Variants in FXR2 observed in about 807,000 individuals in gnomAD.
FXR2 encodes the protein RNA-binding protein FXR2.
In FXR2, 9 loss-of-function variants were observed where a neutral mutation model predicts 87.3. The observed-to-expected ratio is 0.10, with a 90% CI of 0.06 to 0.18. The LOEUF is 0.18. FXR2 is among the 10% of genes least tolerant of loss of function. The pLI is 1.00. For synonymous variants in FXR2, 331 were observed against 328.3 expected (o/e 1.01, Z -0.09); for missense variants, 661 against 893.6 (o/e 0.74, Z 3.32).
At position 7,595,738 on chromosome 17, in the gene FXR2, G is replaced by T; in HGVS notation, c.831+86C>A. 2 of 1,074,190 alleles carry T rather than the reference G, an allele frequency of 1.9e-6. No individual in the cohort carries two copies. Among genetic ancestry groups the T allele is most frequent in the Non-Finnish European group, 2.8e-6 (2 of 723,178 alleles). 66.5% of individuals were successfully genotyped at this position (1,074,190 alleles called of 1,614,324 possible). On this transcript the variant is annotated intron_variant, in intron 8 of 16. Transcript: ENST00000250113. The surrounding 1 kb of genome is among the most constrained non-coding windows in gnomAD (Gnocchi z 4.7). ...GCTGGGATTACAGGTGTGAGCCACT[G>T]TGCCCAGTTTGAGGCTTATTTTCTA... is the stretch of plus-strand genomic sequence containing the variant.
At chr17:7,603,442 G>A (rs1330291923) in intron 5 of FXR2, among the ~76,000 whole-genome samples, 7 of 150,762 alleles carry the variant, frequency 4.6e-5, no homozygotes, top group Non-Finnish European at 7.4e-5. Context: ...CAGGAGAATC[G>A]CCTGAACCTA....
At position 7,593,514 on chromosome 17, in the gene FXR2, C is replaced by A; in HGVS notation, c.1219G>T (p.Ala407Ser). The A allele has an allele frequency of 6.3e-7, 1 of 1,587,502 alleles. No homozygotes were observed. ...GAGCTCTCATCAGTGCTATATCCAG[C>A]CTTGTCGCTGCCACCGCTGCCCCGC... Reference protein sequence around the residue: ...SGRGSGGSDKAGYSTDESSSS... With the variant: ...SGRGSGGSDKSGYSTDESSSS... Residue 407 changes from alanine (A) to serine (S), a missense_variant, in exon 12 of 17, where the codon GCT (alanine) becomes TCT (serine). By Grantham distance (99) the Ala-to-Ser change is moderately conservative. Around this residue, in one of 3 missense-constraint regions of FXR2, gnomAD observed 409 missense variants for 432.0 expected, o/e 0.95. Transcript: ENST00000250113. This position sits in a 1 kb window ranked among gnomAD's most constrained non-coding sequence, Gnocchi z 6.1.
chr17:7,598,551 C>T (rs1226959073), intron 7 of FXR2, among the ~76,000 whole-genome samples: 1 of 152,192 alleles, frequency 6.6e-6, no homozygotes, highest in African/African-American at 2.4e-5. Context: ...CCTCCTCAGC[C>T]TACCGTACAT....
At position 7,593,099 on chromosome 17, in the gene FXR2, C is replaced by T; in HGVS notation, c.1413G>A (p.Arg471=). The change falls in exon 13 of 17, where the codon AGG becomes AGA. Residue 471 remains arginine (R), a synonymous_variant. Transcript: ENST00000250113. The surrounding 1 kb of genome is among the most constrained non-coding windows in gnomAD (Gnocchi z 6.1). ...EEPNRAGPGD[R]DPPTRGEESR... is the part of the protein sequence containing the mutation. ...TTTCTTCCCCTCGGGTTGGGGGATC[C>T]CTGTCGCCAGGCCCAGCTCGGTTGG... The T allele has an allele frequency of 6.3e-7, 1 of 1,594,262 alleles. No homozygotes were observed. Among genetic ancestry groups the T allele is most frequent in the East Asian group, 2.2e-5 (1 of 44,616 alleles).
intron 7 of FXR2, among the ~76,000 whole-genome samples, chr17:7,599,839 C>T (rs2150943156): frequency 6.6e-6 from 1 of 152,244 alleles, no homozygotes; most frequent in South Asian, 2.1e-4. Context: ...GATAGCGCCA[C>T]TGCGCTCTAG....
chr17:7,614,240 G>A, intron 1 of FXR2: 1 of 688,426 alleles, frequency 1.5e-6, no homozygotes, highest in Non-Finnish European at 2.6e-6. Flanking sequence ...GATGGGGGTA[G>A]AAGCAGGTGC....
chr17:7,605,780 T>TA, intron 2 of FXR2, 42 bp from the exon 3 acceptor site: 1 of 1,104,730 alleles, frequency 9.1e-7, no homozygotes. Context: ...CTCTGACTGA[T>TA]ATGGTTGCCC....
chr17:7,606,522 G>A (rs1323160877), intron 1 of FXR2, among the ~76,000 whole-genome samples: 1 of 152,180 alleles, frequency 6.6e-6, no homozygotes, highest in Non-Finnish European at 1.5e-5. Context: ...GAGACAGTGT[G>A]AGGCTGTCCT....
chr17:7,609,931 T>TATATATATACATGTATATGTATAC (rs1567753732), intron 1 of FXR2, among the ~76,000 whole-genome samples: 1,233 of 86,554 alleles, frequency 0.014, 31 homozygotes, highest in African/African-American at 0.04. Flanking sequence ...CATGTATATG[T>TATATATATACATGTATATGTATAC]ATATATATAC....
Position 7,595,599 on chromosome 17 carries a change from C to T in FXR2, c.831+225G>A, listed in dbSNP as rs1008132286. ...AAGTACCTGCGACTACAGGTACGCA[C>T]CACTACTTCCAGCTAATTTTTAAAT... On this transcript the variant is annotated intron_variant, in intron 8 of 16. Transcript: ENST00000250113. The surrounding 1 kb of genome is among the most constrained non-coding windows in gnomAD (Gnocchi z 4.7). Among the ~76,000 whole-genome samples the T allele has an allele frequency of 3.3e-5, 5 of 152,084 alleles. No homozygotes were observed. Among genetic ancestry groups the T allele is most frequent in the Non-Finnish European group, 7.3e-5 (5 of 68,028 alleles).
intron 1 of FXR2, among the ~76,000 whole-genome samples, chr17:7,612,308 G>C (rs1184343143): frequency 6.6e-6 from 1 of 152,142 alleles, no homozygotes; most frequent in Non-Finnish European, 1.5e-5. Flanking sequence ...AGGTAAACAG[G>C]GAGGGCCACT....
chr17:7,603,727 G>A (rs375029988), intron 5 of FXR2, 30 bp downstream of exon 5: 2 of 1,608,576 alleles, frequency 1.2e-6, no homozygotes, highest in African/African-American at 2.7e-5. Flanking sequence ...TGTAAAGAGG[G>A]CCCTCATTCC....
intron 1 of FXR2, among the ~76,000 whole-genome samples, chr17:7,609,756 C>T (rs2071833225): frequency 1.3e-5 from 2 of 151,724 alleles, no homozygotes; most frequent in Non-Finnish European, 2.9e-5. Flanking sequence ...TTTATCCATT[C>T]CCTCTTCTTT....
Position 7,609,943 on chromosome 17 carries a change from TGTATATGTATAC to T in FXR2, c.82-3806_82-3795del, listed in dbSNP as rs2071839094. 6.3e-5 allele frequency among the ~76,000 whole-genome samples: 4 copies of T among 63,038 alleles called. No individual in the cohort carries two copies. The South Asian group carries it at 1.4e-3, about 22-fold the overall frequency. 41.4% of individuals were successfully genotyped at this position (63,038 alleles called of 152,430 possible). The stretch of plus-strand genomic sequence containing the variant: ...ATACATGTATATGTATATATATACA[TGTATATGTATAC>T]ATATATATACATGTATATGTATACA... On this transcript the variant is annotated intron_variant, in intron 1 of 16. Coordinates refer to ENST00000250113, the MANE Select transcript of FXR2 (RefSeq NM_004860.4).
intron 1 of FXR2, 24 bp downstream of exon 1, chr17:7,614,428 T>G: frequency 6.7e-7 from 1 of 1,493,344 alleles, no homozygotes; most frequent in South Asian, 1.2e-5. Flanking sequence ...AGGACCGGCG[T>G]CCCCAGTCGG....
Position 7,595,680 on chromosome 17 carries a change from T to C in FXR2, c.831+144A>G, listed in dbSNP as rs936369781. On this transcript the variant is annotated intron_variant, in intron 8 of 16. Transcript: ENST00000250113. The surrounding 1 kb of genome is among the most constrained non-coding windows in gnomAD (Gnocchi z 4.7). Reference sequence around the variant, plus strand: ...ACAGGCTGGTCTCAAACTCCTAGGCTCAAGTGATCCTCTCACTTTGACCTC... The same window carrying C: ...ACAGGCTGGTCTCAAACTCCTAGGCCCAAGTGATCCTCTCACTTTGACCTC... 18 of 634,872 alleles carry C rather than the reference T, an allele frequency of 2.8e-5. No homozygotes were observed. Among genetic ancestry groups the C allele is most frequent in the Non-Finnish European group, 3.9e-5 (14 of 361,606 alleles). The allele number at this position is 634,872 out of a possible 1,614,324, so 39.3% of individuals were successfully genotyped here. A position where few individuals can be genotyped will look rare whatever the true frequency, so the allele number is the denominator to read the frequency against.
intron 7 of FXR2, among the ~76,000 whole-genome samples, chr17:7,598,467 A>G (rs1217877596): frequency 6.6e-6 from 1 of 152,026 alleles, no homozygotes; most frequent in Non-Finnish European, 1.5e-5. Context: ...AAACAAAACA[A>G]AACAAAACAA....
At chr17:7,602,022 A>C (rs1325166609) in intron 6 of FXR2, among the ~76,000 whole-genome samples, 2 of 152,194 alleles carry the variant, frequency 1.3e-5, no homozygotes, top group Non-Finnish European at 2.9e-5. Flanking sequence ...TTTAGAGAGA[A>C]AGCAAGGAGC....
At position 7,591,296 on chromosome 17, in the gene FXR2, C is replaced by A; in HGVS notation, c.*534G>T. On this transcript the variant is annotated 3_prime_UTR_variant, in exon 17 of 17. Coordinates refer to ENST00000250113, the MANE Select transcript of FXR2 (RefSeq NM_004860.4). This position sits in a 1 kb window ranked among gnomAD's most constrained non-coding sequence, Gnocchi z 4.0. ...TGAAAAATAAATACGCCTTCTCATCCACCAGACAAGGTTGGTCCCCTCCCC... is the reference window on the plus strand; with the variant it reads ...TGAAAAATAAATACGCCTTCTCATCAACCAGACAAGGTTGGTCCCCTCCCC... The A allele has an allele frequency of 6.1e-6, 1 of 163,736 alleles. No homozygotes were observed. 10.1% of individuals were successfully genotyped at this position (163,736 alleles called of 1,614,324 possible).
Sources: allele counts gnomAD v4.1 joint callset (sites outside exome capture counted in the v4.1 genomes callset), GRCh38; gene constraint gnomAD v4.1.1; regional missense constraint gnomAD v4.1.1; non-coding constraint Gnocchi (gnomAD v3.1); transcripts MANE v1.5; gene names NCBI Gene and HGNC (gene_info 2026-07-23, HGNC 2026-07-21).